The following ADGRG6 variants were observed in gnomAD, a reference collection of about 807,000 sequenced individuals.
The protein encoded by ADGRG6 is adhesion G protein-coupled receptor G6.
In ADGRG6, 84 loss-of-function variants were observed where a neutral mutation model predicts 142.4. That is an observed-to-expected ratio of 0.59 (90% CI 0.49 to 0.71). The LOEUF (loss-of-function observed/expected upper bound fraction) is 0.71. ADGRG6 is among the 30% of genes least tolerant of loss of function. The pLI is 0.00. For synonymous variants in ADGRG6, 521 were observed against 520.5 expected, an observed-to-expected ratio of 1.00 and a Z score of -0.01; for missense variants, 1,367 against 1,466.6, an observed-to-expected ratio of 0.93 and a Z score of 1.11.
chr6:142,338,004 GCC>G (rs1265307626), intron 2 of ADGRG6, among the ~76,000 whole-genome samples: 5,987 of 98,402 alleles, frequency 0.061, 408 homozygotes, highest in African/African-American at 0.17. Context: ...TCCTTTTTAT[GCC>G]TTGTATCTTT....
At chr6:142,339,987 G>A (rs1253721556) in intron 2 of ADGRG6, among the ~76,000 whole-genome samples, 1 of 152,052 alleles carries the variant, frequency 6.6e-6, no homozygotes, top group African/African-American at 2.4e-5. Flanking sequence ...TGGCAAAAAA[G>A]CTTTTGAATA....
intron 6 of ADGRG6, 23 bp downstream of exon 6, chr6:142,383,866 AT>A: frequency 1.8e-6 from 2 of 1,137,446 alleles, no homozygotes; most frequent in Non-Finnish European, 1.3e-6. Context: ...TACCTTTTAT[AT>A]TTTTAGTATG....
Position 142,309,614 on chromosome 6 carries a change from G to T in ADGRG6, c.73G>T (p.Ala25Ser). ...GCCCAGTCCTCTCCTGTTCTTATTT[G>T]CTTTATATATCATGTGTGTTCCTCA... ...WKPSPLLFLF[A>S]LYIMCVPHSV... The change falls in exon 2 of 25, where the codon GCT becomes TCT. Residue 25 changes from alanine (A) to serine (S), a missense_variant. This residue lies in a region of ADGRG6 where 737 missense variants were observed against 746.5 expected (regional missense o/e 0.99). Coordinates refer to ENST00000367609, the MANE Select transcript of ADGRG6 (RefSeq NM_198569.3). The T allele has an allele frequency of 6.2e-7, 1 of 1,605,346 alleles. No individual in the cohort carries two copies. Among genetic ancestry groups the T allele is most frequent in the Non-Finnish European group, 8.5e-7 (1 of 1,174,974 alleles).
At chr6:142,311,750 C>T (rs917807120) in intron 2 of ADGRG6, among the ~76,000 whole-genome samples, 6 of 151,880 alleles carry the variant, frequency 4.0e-5, no homozygotes, top group African/African-American at 1.4e-4. Context: ...TCTGTATTGT[C>T]CATCCTGGCT....
intron 22 of ADGRG6, among the ~76,000 whole-genome samples, chr6:142,432,383 T>C (rs1258116020): frequency 6.6e-6 from 1 of 152,198 alleles, no homozygotes; most frequent in Non-Finnish European, 1.5e-5. Flanking sequence ...CCTATTCTTA[T>C]TTAAAATAGA....
intron 22 of ADGRG6, among the ~76,000 whole-genome samples, chr6:142,429,710 T>G (rs1270215260): frequency 6.6e-6 from 1 of 152,170 alleles, no homozygotes; most frequent in African/African-American, 2.4e-5. Flanking sequence ...TGGCCACTTC[T>G]TCTCAAATAT....
chr6:142,349,824 T>C (rs1467012679), intron 2 of ADGRG6, among the ~76,000 whole-genome samples: 1 of 152,240 alleles, frequency 6.6e-6, no homozygotes, highest in African/African-American at 2.4e-5. Flanking sequence ...CAAGTCTGTC[T>C]GGCTAAAAAG....
At chr6:142,401,657 A>G (rs1437795008) in intron 11 of ADGRG6, among the ~76,000 whole-genome samples, 1 of 152,180 alleles carries the variant, frequency 6.6e-6, no homozygotes, top group Non-Finnish European at 1.5e-5. Context: ...AAACTTGTAG[A>G]AGGAAATAGT....
At chr6:142,380,121 G>A (rs1364558534) in intron 4 of ADGRG6, among the ~76,000 whole-genome samples, 1 of 152,146 alleles carries the variant, frequency 6.6e-6, no homozygotes, top group Non-Finnish European at 1.5e-5. Context: ...GAATGTCTGG[G>A]TTAAATAAAG....
At chr6:142,432,739 C>CT (rs1389806029) in intron 22 of ADGRG6, among the ~76,000 whole-genome samples, 3 of 152,164 alleles carry the variant, frequency 2.0e-5, no homozygotes, top group Non-Finnish European at 4.4e-5. Context: ...TCTGGCTGTG[C>CT]TTAGCATTTG....
intron 24 of ADGRG6, 49 bp from the exon 25 acceptor site, chr6:142,443,288 C>A: frequency 7.7e-7 from 1 of 1,302,512 alleles, no homozygotes; most frequent in African/African-American, 1.5e-5. Flanking sequence ...GGCCTGTAGG[C>A]ATGCCACCAG....
In ADGRG6 at chr6:142,397,679, TCAG is replaced by T; in HGVS notation, c.1495_1497del (p.Gln499del). Reference sequence around the variant, plus strand: ...ATACTAATTTGGAAGGAAAAATCATTCAGCAGAAGCTCCTAAAAAATAATGAGT... The same window carrying T: ...ATACTAATTTGGAAGGAAAAATCATTCAGAAGCTCCTAAAAAATAATGAGT... On this transcript the variant is annotated inframe_deletion, in exon 10 of 25. Coordinates refer to ENST00000367609, the MANE Select transcript of ADGRG6 (RefSeq NM_198569.3). 1 of 1,607,922 alleles carries T rather than the reference TCAG, an allele frequency of 6.2e-7. No homozygotes were observed. Among genetic ancestry groups the T allele is most frequent in the Non-Finnish European group, 8.5e-7 (1 of 1,175,994 alleles).
intron 22 of ADGRG6, among the ~76,000 whole-genome samples, chr6:142,425,517 G>A (rs1464428803): frequency 6.6e-6 from 1 of 152,078 alleles, no homozygotes; most frequent in East Asian, 1.9e-4. Context: ...TTTAACAATG[G>A]CTAAAGCTTT....
intron 14 of ADGRG6, among the ~76,000 whole-genome samples, chr6:142,404,817 C>T (rs375203777): frequency 3.3e-5 from 5 of 152,008 alleles, no homozygotes; most frequent in Admixed American, 6.5e-5. Context: ...TTTGAGAACC[C>T]GTGATGTAGA....
chr6:142,375,069 C>G (rs1255560588), intron 4 of ADGRG6, among the ~76,000 whole-genome samples: 1 of 152,074 alleles, frequency 6.6e-6, no homozygotes, highest in African/African-American at 2.4e-5. Context: ...ACTCCTGTGC[C>G]CCATCCACCC....
intron 2 of ADGRG6, among the ~76,000 whole-genome samples, chr6:142,365,957 T>A (rs1311108609): frequency 6.6e-6 from 1 of 152,248 alleles, no homozygotes; most frequent in Non-Finnish European, 1.5e-5. Context: ...GTTATTTTCA[T>A]TAATATTTTT....
chr6:142,400,667 C>T (rs1040582497), intron 11 of ADGRG6, 71 bp downstream of exon 11: 19 of 775,750 alleles, frequency 2.4e-5, no homozygotes, highest in Non-Finnish European at 3.9e-5. Context: ...ACGTGCAGCA[C>T]GGTAGTTCTT....
chr6:142,318,282 T>G (rs1778320939), intron 2 of ADGRG6, among the ~76,000 whole-genome samples: 1 of 82,174 alleles, frequency 1.2e-5, no homozygotes, highest in South Asian at 2.8e-4. Flanking sequence ...TTATATTATA[T>G]ATATTTATAT....
At chr6:142,316,510 A>G (rs1169884217) in intron 2 of ADGRG6, among the ~76,000 whole-genome samples, 1 of 152,206 alleles carries the variant, frequency 6.6e-6, no homozygotes, top group Non-Finnish European at 1.5e-5. Flanking sequence ...GAAGTAAAAT[A>G]TAGATCTGGA....
Sources: allele counts gnomAD v4.1 joint callset (sites outside exome capture counted in the v4.1 genomes callset), GRCh38; gene constraint gnomAD v4.1.1; regional missense constraint gnomAD v4.1.1; transcripts MANE v1.5; gene names NCBI Gene and HGNC (gene_info 2026-07-23, HGNC 2026-07-21).